MMS22L: variants seen among roughly 807,000 people sequenced by gnomAD.
MMS22L encodes MMS22 like, DNA repair protein.
In MMS22L, 74 loss-of-function variants were observed where a neutral mutation model predicts 159.1. That is an observed-to-expected ratio of 0.47 (90% CI 0.39 to 0.56). MMS22L has a LOEUF of 0.56. Among genes scored for constraint, MMS22L ranks in the 20% least tolerant of loss-of-function variants. The pLI is 0.00. For missense variants in MMS22L, 1,351 were observed against 1,422.1 expected (o/e 0.95, Z 0.80); for synonymous variants, 517 against 506.9 (o/e 1.02, Z -0.27).
At chr6:97,278,749 T>A in intron 4 of MMS22L, 100 bp downstream of exon 4, 1 of 886,506 alleles carries the variant, frequency 1.1e-6, no homozygotes, top group Admixed American at 2.6e-5. Flanking sequence ...ATGCTTCCTC[T>A]GTATTATCAT....
At chr6:97,281,152 A>T in intron 3 of MMS22L, 85 bp downstream of exon 3, 1 of 1,290,810 alleles carries the variant, frequency 7.7e-7, no homozygotes, top group Non-Finnish European at 1.1e-6. Context: ...GTCTTTTGTA[A>T]TATCAGTATT....
intron 11 of MMS22L, among the ~76,000 whole-genome samples, chr6:97,244,247 G>C (rs1458789012): frequency 6.6e-6 from 1 of 152,296 alleles, no homozygotes; most frequent in Middle Eastern, 3.4e-3. Flanking sequence ...TACTACAGGG[G>C]GGACATAAAC....
intron 24 of MMS22L, among the ~76,000 whole-genome samples, chr6:97,147,953 T>C (rs1055588054): frequency 1.3e-5 from 2 of 152,334 alleles, no homozygotes; most frequent in East Asian, 1.9e-4. Flanking sequence ...AATTGGAATA[T>C]GCATATTCAT....
intron 10 of MMS22L, among the ~76,000 whole-genome samples, chr6:97,247,033 T>G (rs555397511): frequency 6.6e-6 from 1 of 151,352 alleles, no homozygotes; most frequent in East Asian, 1.9e-4. Context: ...GTGTTTGTTT[T>G]TTTTTTTATG....
rs569735530 is a variant in MMS22L, at chr6:97,183,300, T to C, written c.2234-1246A>G. Among the ~76,000 whole-genome samples, 3 of 152,270 alleles carry C rather than the reference T, an allele frequency of 2.0e-5. No homozygotes were observed. In the South Asian group the frequency reaches 6.2e-4, roughly 32 times the overall value. On this transcript the variant is annotated intron_variant, in intron 15 of 24. Coordinates refer to ENST00000683635, the MANE Select transcript of MMS22L (RefSeq NM_001350599.2). Reference sequence around the variant, plus strand: ...CACTTGATTGCATGGTCCATTATTATACTCATTCATTTATACTACCAACTC... The same window carrying C: ...CACTTGATTGCATGGTCCATTATTACACTCATTCATTTATACTACCAACTC...
At chr6:97,212,979 T>A (rs6568814) in intron 14 of MMS22L, among the ~76,000 whole-genome samples, 150,235 of 152,346 alleles carry the variant, frequency 0.99, 74,110 homozygotes, top group East Asian at 1. Context: ...GGGTTAAATG[T>A]CGTTTGATTT....
At chr6:97,192,110 C>A (rs1805930978) in intron 14 of MMS22L, among the ~76,000 whole-genome samples, 1 of 151,968 alleles carries the variant, frequency 6.6e-6, no homozygotes, top group Non-Finnish European at 1.5e-5. Context: ...GTAACAGACA[C>A]CCCAGTACAT....
rs946596693 is a variant in MMS22L at position 97,142,641 on chromosome 6, T to C, written c.*4165A>G. On this transcript the variant is annotated 3_prime_UTR_variant, in exon 25 of 25. Transcript: ENST00000683635. ...GAGGTTTCTGTATCTATTTACCTTT[T>C]AGACATGGGGAGACATGAGTGCTAT... is the stretch of plus-strand genomic sequence containing the variant. 4.6e-5 allele frequency: 7 copies of C among 152,122 alleles called. No homozygotes were observed. Among genetic ancestry groups the C allele is most frequent in the African/African-American group, 7.2e-5 (3 of 41,446 alleles). The allele number at this position is 152,122 out of a possible 1,614,324, so 9.4% of individuals were successfully genotyped here.
At chr6:97,228,856 A>C (rs771108617) in intron 14 of MMS22L, 38 bp downstream of exon 14, 4 of 1,548,748 alleles carry the variant, frequency 2.6e-6, no homozygotes, top group Non-Finnish European at 3.5e-6. Flanking sequence ...TAATTATATA[A>C]AACAAATCAT....
At chr6:97,147,932 T>C (rs2128229623) in intron 24 of MMS22L, among the ~76,000 whole-genome samples, 1 of 152,256 alleles carries the variant, frequency 6.6e-6, no homozygotes, top group South Asian at 2.1e-4. Context: ...AATAAAAAAT[T>C]TTTGTCTAAA....
At chr6:97,248,072 A>T (rs2128043993) in intron 10 of MMS22L, among the ~76,000 whole-genome samples, 1 of 152,336 alleles carries the variant, frequency 6.6e-6, no homozygotes, top group African/African-American at 2.4e-5. Context: ...AGGGTTGGTC[A>T]CTAACAGACT....
intron 14 of MMS22L, among the ~76,000 whole-genome samples, chr6:97,201,481 A>G (rs769118574): frequency 3.3e-4 from 51 of 152,320 alleles, no homozygotes; most frequent in Admixed American, 8.5e-4. Flanking sequence ...AACACAGTAA[A>G]AATCACTGTT....
At position 97,181,922 on chromosome 6, in the gene MMS22L, C is replaced by T. The variant is rs1233757592; in HGVS notation, c.2366G>A (p.Ser789Asn). 1.2e-5 allele frequency: 20 copies of T among 1,612,582 alleles called. No individual in the cohort carries two copies. The highest frequency in any genetic ancestry group is 1.6e-5 in the Non-Finnish European group (19 of 1,179,468). The change falls in exon 16 of 25, where the codon AGT becomes AAT. Residue 789 changes from serine (S) to asparagine (N), a missense_variant. Ser to Asn is a conservative substitution (Grantham distance 46). Transcript: ENST00000683635. ...ICPQVVARYL[S>N]HVLQNSTLCE... ...CACGTACCTATTTTGTAGGACATGA[C>T]TTAAATATCTTGCTACAACTTGAGG... is the stretch of plus-strand genomic sequence containing the variant.
At chr6:97,176,229 T>C (rs915512409) in intron 18 of MMS22L, among the ~76,000 whole-genome samples, 1 of 152,160 alleles carries the variant, frequency 6.6e-6, no homozygotes, top group African/African-American at 2.4e-5. Flanking sequence ...TTTTACACTA[T>C]TTGTGCAAAT....
rs1800950593 is a variant in MMS22L at position 97,146,900 on chromosome 6, A to G, written c.3651-13T>C. On this transcript the variant is annotated splice_polypyrimidine_tract_variant and intron_variant, in intron 24 of 24. Coordinates refer to ENST00000683635, the MANE Select transcript of MMS22L (RefSeq NM_001350599.2). Reference sequence around the variant, plus strand: ...GCTATAGGCTTCCCTGTTTAAGAAAAAAGAAAAGAAAGCAAATATATTAAC... The same window carrying G: ...GCTATAGGCTTCCCTGTTTAAGAAAGAAGAAAAGAAAGCAAATATATTAAC... 6.7e-7 allele frequency: 1 copy of G among 1,481,516 alleles called. No individual in the cohort carries two copies. 91.8% of individuals were successfully genotyped at this position (1,481,516 alleles called of 1,614,324 possible).
At chr6:97,273,096 CAAAT>C (rs1224727209) in intron 4 of MMS22L, 34 bp from the exon 5 acceptor site, 27 of 1,538,620 alleles carry the variant, frequency 1.8e-5, no homozygotes, top group Non-Finnish European at 2.2e-5. Context: ...AATCATAGTT[CAAAT>C]AATTATCATG....
At chr6:97,147,973 T>C (rs1800992032) in intron 24 of MMS22L, among the ~76,000 whole-genome samples, 1 of 152,220 alleles carries the variant, frequency 6.6e-6, no homozygotes, top group Admixed American at 6.5e-5. Flanking sequence ...TTAGAGTGTG[T>C]ATTTGTACAG....
At chr6:97,253,790 T>A (rs1314541740) in intron 10 of MMS22L, 1 of 152,206 alleles carries the variant, frequency 6.6e-6, no homozygotes, top group Non-Finnish European at 1.5e-5. Context: ...AACTCACAAG[T>A]CTAATGATCA....
intron 9 of MMS22L, chr6:97,261,651 T>C (rs532944425): frequency 3.3e-5 from 5 of 152,288 alleles, no homozygotes; most frequent in Admixed American, 6.5e-5. Flanking sequence ...TGACTGCATG[T>C]TGGGGGGACG....
Sources: allele counts gnomAD v4.1 joint callset (sites outside exome capture counted in the v4.1 genomes callset), GRCh38; gene constraint gnomAD v4.1.1; transcripts MANE v1.5; gene names NCBI Gene and HGNC (gene_info 2026-07-23, HGNC 2026-07-21).